Variants in WDR90 observed in about 807,000 individuals in gnomAD.
WDR90 encodes WD repeat domain 90.
A neutral mutation model predicts 195.2 loss-of-function variants in WDR90; 238 were observed. The observed-to-expected ratio is 1.22, with a 90% CI of 1.10 to 1.36. WDR90 has a LOEUF of 1.36. Ranked by LOEUF, WDR90 falls within the 40% of genes most tolerant of loss-of-function variation. The pLI is 0.00. For synonymous variants in WDR90, 1,265 were observed against 1,052.4 expected, an observed-to-expected ratio of 1.20 and a Z score of -3.91; for missense variants, 2,734 against 2,439.5, an observed-to-expected ratio of 1.12 and a Z score of -2.54.
intron 31 of WDR90, 43 bp from the exon 32 acceptor site, chr16:661,848 C>T (rs764196927): frequency 1.9e-6 from 3 of 1,592,460 alleles, no homozygotes; most frequent in Non-Finnish European, 2.6e-6. Context: ...CTGCCTGGGC[C>T]CCGGGACACT....
rs375323784 is a variant in WDR90 at position 662,050 on chromosome 16, G to A, written c.4024G>A (p.Gly1342Ser). The change falls in exon 32 of 41, where the codon GGT (glycine) becomes AGT (serine). Residue 1342 changes from glycine to serine, a missense_variant. Transcript: ENST00000293879. ...RCFLSWEADD[G>S]GIGLLLFSGS... ...CTTCTTGTCCTGGGAGGCGGATGACGGTGGCATTGGTGAGTGCCCCGCAGA... is the reference window on the plus strand; with the variant it reads ...CTTCTTGTCCTGGGAGGCGGATGACAGTGGCATTGGTGAGTGCCCCGCAGA... 314 of 1,600,968 alleles carry A rather than the reference G, an allele frequency of 2.0e-4. No individual in the cohort carries two copies. Among genetic ancestry groups the A allele is most frequent in the Non-Finnish European group, 2.5e-4 (296 of 1,179,576 alleles).
chr16:650,462 G>A (rs573997728), intron 4 of WDR90, 77 bp from the exon 5 acceptor site: 35 of 1,587,474 alleles, frequency 2.2e-5, no homozygotes, highest in South Asian at 1.1e-4. Flanking sequence ...ACAACCTGGC[G>A]GGGGCACAAG....
chr16:656,854 G>C lies in WDR90; in HGVS notation c.2325G>C (p.Glu775Asp). The change falls in exon 19 of 41, where the codon GAG becomes GAC. Residue 775 changes from glutamate (E) to aspartate (D), a missense_variant. Transcript: ENST00000293879. ...GCTCCTTCAGCCTGGAGGCCGCTGA[G>C]GTCCTGGTGGAACACACGTAAGTGC... Reference protein sequence around the residue: ...AVRSFSLEAAEVLVEHTCHRG... With the variant: ...AVRSFSLEAADVLVEHTCHRG... 1 of 1,612,822 alleles carries C rather than the reference G, an allele frequency of 6.2e-7. No homozygotes were observed. Among genetic ancestry groups the C allele is most frequent in the Non-Finnish European group, 8.5e-7 (1 of 1,179,916 alleles).
rs374063331 is a variant in WDR90, at chr16:658,530, C to T, written c.2772C>T (p.Pro924=). The part of the protein sequence containing the change: ...AVSGRIIREL[P]GVHPEPCPSL... Reference sequence around the variant, plus strand: ...CCAAGAGCACTGTGTTCCAGCTGCCCGGTGTCCACCCTGAGCCCTGCCCCT... The same window carrying T: ...CCAAGAGCACTGTGTTCCAGCTGCCTGGTGTCCACCCTGAGCCCTGCCCCT... The change falls in exon 23 of 41, where the codon CCC becomes CCT. Residue 924 remains proline, a synonymous_variant. Coordinates refer to ENST00000293879, the MANE Select transcript of WDR90 (RefSeq NM_145294.5). 5.3e-4 allele frequency: 854 copies of T among 1,609,342 alleles called. 1 individual carries two copies. The highest frequency in any genetic ancestry group is 1.2e-3 in the East Asian group (53 of 44,792).
At position 666,143 on chromosome 16, in the gene WDR90, T is replaced by C; in HGVS notation, c.4609+19T>C. Reference sequence around the variant, plus strand: ...ACCGATGGTGAGGAGTTGGGTGTGTTGGGGATGGTGCCGTCCTGACCTGGC... The same window carrying C: ...ACCGATGGTGAGGAGTTGGGTGTGTCGGGGATGGTGCCGTCCTGACCTGGC... On this transcript the variant is annotated intron_variant, in intron 36 of 40. Transcript: ENST00000293879. 1 of 1,607,580 alleles carries C rather than the reference T, an allele frequency of 6.2e-7. No individual in the cohort carries two copies.
At position 666,178 on chromosome 16, in the gene WDR90, G is replaced by T. The variant is rs375286458; in HGVS notation, c.4610-42G>T. 15 of 1,606,382 alleles carry T rather than the reference G, an allele frequency of 9.3e-6. No individual in the cohort carries two copies. The African/African-American group carries it at 1.6e-4, about 17-fold the overall frequency. On this transcript the variant is annotated intron_variant, in intron 36 of 40. Coordinates refer to ENST00000293879, the MANE Select transcript of WDR90 (RefSeq NM_145294.5). Reference sequence around the variant, plus strand: ...GCCGTCCTGACCTGGCCCAGGTCCAGTCTCCGGGCTGGGGGCTCACAGGGT... The same window carrying T: ...GCCGTCCTGACCTGGCCCAGGTCCATTCTCCGGGCTGGGGGCTCACAGGGT...
At chr16:662,654 T>C in intron 33 of WDR90, 25 bp from the exon 34 acceptor site, 1 of 1,524,320 alleles carries the variant, frequency 6.6e-7, no homozygotes. Context: ...CATTGTTCTC[T>C]CCTTCCCTGC....
At chr16:655,223 C>T (rs767971468) in intron 14 of WDR90, 76 bp downstream of exon 14, 11 of 1,612,108 alleles carry the variant, frequency 6.8e-6, no homozygotes, top group Non-Finnish European at 9.3e-6. Flanking sequence ...AGCACCTCCC[C>T]CTGGCTTGGC....
At position 662,839 on chromosome 16, in the gene WDR90, A is replaced by G. The variant is rs1354506724; in HGVS notation, c.4306A>G (p.Ser1436Gly). ...TSTRLISGHR[S>G]KVNEVVFSPG... ...CACACGTCTCATCAGTGGCCACAGG[A>G]GCAAGGTGAGGGACTTCCAGCCTGG... The change falls in exon 34 of 41, where the codon AGC becomes GGC. Residue 1436 changes from serine to glycine, a missense_variant. Coordinates refer to ENST00000293879, the MANE Select transcript of WDR90 (RefSeq NM_145294.5). 2 of 1,561,534 alleles carry G rather than the reference A, an allele frequency of 1.3e-6. No homozygotes were observed. Among genetic ancestry groups the G allele is most frequent in the African/African-American group, 2.7e-5 (2 of 73,754 alleles).
At chr16:665,622 C>G in intron 34 of WDR90, 57 bp from the exon 35 acceptor site, 1 of 1,610,656 alleles carries the variant, frequency 6.2e-7, no homozygotes, top group Non-Finnish European at 8.5e-7. Context: ...GAAATGCCTG[C>G]GTCCCTTTAC....
At chr16:659,196 T>G in intron 25 of WDR90, 49 bp from the exon 26 acceptor site, 1 of 1,610,436 alleles carries the variant, frequency 6.2e-7, no homozygotes, top group East Asian at 2.2e-5. Context: ...GTCTGCCTAG[T>G]GGCCCTTCCT....
chr16:662,032 T>C lies in WDR90; in HGVS notation c.4006T>C (p.Ser1336Pro). The C allele has an allele frequency of 1.2e-6, 2 of 1,602,658 alleles. No individual in the cohort carries two copies. The highest frequency in any genetic ancestry group is 1.7e-6 in the Non-Finnish European group (2 of 1,179,828). Residue 1336 changes from serine (S) to proline (P), a missense_variant, in exon 32 of 41, where the codon TCC becomes CCC. Transcript: ENST00000293879. ...CACGCGTGCCGGCCGCTGCTTCTTG[T>C]CCTGGGAGGCGGATGACGGTGGCAT... ...WDTRAGRCFL[S>P]WEADDGGIGL...
chr16:654,658 C>G (rs1027311626), intron 13 of WDR90: 2 of 252,882 alleles, frequency 7.9e-6, no homozygotes, highest in Admixed American at 9.8e-5. Flanking sequence ...TTACATTGCT[C>G]AGGCTGGTCT....
chr16:660,526 G>T (rs2037873127), intron 27 of WDR90, 86 bp from the exon 28 acceptor site: 2 of 1,387,398 alleles, frequency 1.4e-6, no homozygotes, highest in East Asian at 2.5e-5. Context: ...GCCTGGGTGT[G>T]CCCCAACACA....
rs750980918 is a variant in WDR90 at position 656,387 on chromosome 16, C to T, written c.2052C>T (p.Phe684=). 5 of 1,608,934 alleles carry T rather than the reference C, an allele frequency of 3.1e-6. No individual in the cohort carries two copies. Among genetic ancestry groups the T allele is most frequent in the Admixed American group, 1.7e-5 (1 of 59,944 alleles). ...CCACCTCCTCGGGCCACCTGGGCTT[C>T]CTGGACACGCTGTCCCGGGTGTACC... ...LSATSSGHLG[F]LDTLSRVYHM... The change falls in exon 18 of 41, where the codon TTC becomes TTT. Residue 684 remains phenylalanine, a synonymous_variant. Coordinates refer to ENST00000293879, the MANE Select transcript of WDR90 (RefSeq NM_145294.5).
Position 653,622 on chromosome 16 carries a change from G to A in WDR90, c.1331G>A (p.Arg444Gln), listed in dbSNP as rs184798708. The A allele has an allele frequency of 5.6e-4, 903 of 1,613,542 alleles. 4 individuals carry two copies. The highest frequency in any genetic ancestry group is 1.3e-3 in the Middle Eastern group (8 of 6,062). The stretch of plus-strand genomic sequence containing the variant: ...CGGCTCTGGGACTTCCAGACCGGGC[G>A]GTGCTTGTGCCTGTTCCGGAGCCCA... ...VMRLWDFQTG[R>Q]CLCLFRSPMH... The change falls in exon 12 of 41, where the codon CGG becomes CAG. Residue 444 changes from arginine (R) to glutamine (Q), a missense_variant. Coordinates refer to ENST00000293879, the MANE Select transcript of WDR90 (RefSeq NM_145294.5).
In WDR90 at chr16:649,783, A is replaced by C. The variant is rs1403981765; in HGVS notation, c.31A>C (p.Asn11His). 8 of 1,568,306 alleles carry C rather than the reference A, an allele frequency of 5.1e-6. No individual in the cohort carries two copies. The highest frequency in any genetic ancestry group is 3.8e-5 in the Admixed American group (2 of 53,242). ...CGCAGCGTGGCAGCACCCGTTCCTCAACGTCTTCAGACACTTCCGGGTGGA... is the reference window on the plus strand; with the variant it reads ...CGCAGCGTGGCAGCACCCGTTCCTCCACGTCTTCAGACACTTCCGGGTGGA... MARAWQHPFL[N>H]VFRHFRVDEW... Residue 11 changes from asparagine (N) to histidine (H), a missense_variant, in exon 2 of 41, where the codon AAC becomes CAC. Transcript: ENST00000293879.
chr16:649,880 G>A (rs1266982536), intron 2 of WDR90, 26 bp downstream of exon 2: 2 of 1,576,548 alleles, frequency 1.3e-6, no homozygotes, highest in South Asian at 1.1e-5. Context: ...CTCGCCCGGA[G>A]CCCACACCCC....
In WDR90 at chr16:661,491, T is replaced by C. The variant is rs560344639; in HGVS notation, c.3663T>C (p.Leu1221=). The change falls in exon 30 of 41, where the codon CTT becomes CTC. Residue 1221 remains leucine, a synonymous_variant. Coordinates refer to ENST00000293879, the MANE Select transcript of WDR90 (RefSeq NM_145294.5). ...CCTTCTCACCAGATGACAGGCTTCTTGTCACACTGGGTCAGTGGGAGGGAG... is the reference window on the plus strand; with the variant it reads ...CCTTCTCACCAGATGACAGGCTTCTCGTCACACTGGGTCAGTGGGAGGGAG... ...ALAFSPDDRL[L]VTLGDHDGRT... is the part of the protein sequence containing the mutation. 42 of 1,605,644 alleles carry C rather than the reference T, an allele frequency of 2.6e-5. No individual in the cohort carries two copies. In the South Asian group the frequency reaches 4.4e-4, roughly 17 times the overall value.
Sources: gnomAD v4.1 joint callset for allele counts on GRCh38, gnomAD v4.1.1 for gene constraint, MANE v1.5 for transcripts, NCBI Gene and HGNC (gene_info 2026-07-23, HGNC 2026-07-21) for gene names.